UBE4B: variants seen among roughly 807,000 people sequenced by gnomAD.
UBE4B encodes ubiquitination factor E4B.
In UBE4B, 27 loss-of-function variants were observed where a neutral mutation model predicts 148.1. The observed-to-expected ratio is 0.18, with a 90% CI of 0.13 to 0.25. UBE4B has a LOEUF of 0.25. UBE4B is among the 10% of genes least tolerant of loss of function. The pLI is 1.00. For synonymous variants in UBE4B, 596 were observed against 619.3 expected, an observed-to-expected ratio of 0.96 and a Z score of 0.56; for missense variants, 1,170 against 1,662.4, an observed-to-expected ratio of 0.70 and a Z score of 5.15.
intron 25 of UBE4B, among the ~76,000 whole-genome samples, chr1:10,175,506 C>G (rs914934851): frequency 1.3e-5 from 2 of 151,088 alleles, no homozygotes; most frequent in Admixed American, 1.3e-4. Context: ...AAAAAATTAG[C>G]CAGGCGTGGT....
intron 2 of UBE4B, among the ~76,000 whole-genome samples, chr1:10,084,548 G>GA (rs1054924371): frequency 2.5e-4 from 37 of 147,296 alleles, no homozygotes; most frequent in Admixed American, 8.1e-4. Context: ...TGAAAGCTCT[G>GA]AAAAAAAAAA....
At chr1:10,152,667 C>T (rs1298636275) in intron 21 of UBE4B, among the ~76,000 whole-genome samples, 1 of 151,162 alleles carries the variant, frequency 6.6e-6, no homozygotes, top group Non-Finnish European at 1.5e-5. Context: ...GTGTGGCGGG[C>T]GGCGCCTGTC....
In UBE4B at chr1:10,161,181, A is replaced by T; in HGVS notation, c.3093A>T (p.Ile1031=). The change falls in exon 23 of 28, where the codon ATA becomes ATT. Residue 1031 remains isoleucine (I), a synonymous_variant. Transcript: ENST00000343090. The surrounding 1 kb of genome is among the most constrained non-coding windows in gnomAD (Gnocchi z 4.1). The part of the protein sequence containing the change: ...KQFVRYINML[I]NDTTFLLDES... ...TTGTTCGCTATATAAACATGTTGAT[A>T]AACGACACGACGTTTTTGCTCGATG... The T allele has an allele frequency of 1.2e-6, 2 of 1,614,168 alleles. No homozygotes were observed. The highest frequency in any genetic ancestry group is 1.7e-6 in the Non-Finnish European group (2 of 1,180,026).
chr1:10,147,199 T>C, intron 19 of UBE4B, 109 bp downstream of exon 19: 2 of 1,531,242 alleles, frequency 1.3e-6, no homozygotes, highest in Non-Finnish European at 1.8e-6. Context: ...TTATCAAGAA[T>C]TCACTTCTCT....
intron 1 of UBE4B, among the ~76,000 whole-genome samples, chr1:10,047,488 C>CTTTT (rs952378949): frequency 1.6e-4 from 18 of 116,028 alleles, no homozygotes; most frequent in Middle Eastern, 4.8e-3. Flanking sequence ...CTTCATATAT[C>CTTTT]TTTTTTTTTT....
intron 3 of UBE4B, among the ~76,000 whole-genome samples, chr1:10,100,083 G>A (rs558211950): frequency 2.0e-5 from 3 of 151,938 alleles, no homozygotes; most frequent in East Asian, 2.0e-4. Context: ...TCTGCCTCCC[G>A]GGTTCAGGCC....
At chr1:10,163,761 AT>A (rs1372082097) in intron 23 of UBE4B, among the ~76,000 whole-genome samples, 1 of 151,036 alleles carries the variant, frequency 6.6e-6, no homozygotes, top group Non-Finnish European at 1.5e-5. Context: ...TTATTAAATT[AT>A]TTTTTATTTT....
chr1:10,050,116 C>T (rs776463087), intron 1 of UBE4B, among the ~76,000 whole-genome samples: 2 of 152,086 alleles, frequency 1.3e-5, no homozygotes, highest in Non-Finnish European at 2.9e-5. Context: ...TCTTGTCACC[C>T]AGGCTGGAGT....
chr1:10,106,631 A>G lies in UBE4B; in HGVS notation c.1196+48A>G, dbSNP rs199882034. On this transcript the variant is annotated intron_variant, in intron 7 of 27. Coordinates refer to ENST00000343090, the MANE Select transcript of UBE4B (RefSeq NM_001105562.3). This position sits in a 1 kb window ranked among gnomAD's most constrained non-coding sequence, Gnocchi z 4.2. ...GCATGTGTGTTTGCGGTGCAGGGAA[A>G]GGAGATTAACACGGTTTGGAAGAAG... 16 of 1,489,922 alleles carry G rather than the reference A, an allele frequency of 1.1e-5. No individual in the cohort carries two copies. In the African/African-American group the frequency reaches 2.0e-4, roughly 18 times the overall value. 92.3% of individuals were successfully genotyped at this position (1,489,922 alleles called of 1,614,324 possible). A position where few individuals can be genotyped will look rare whatever the true frequency, so the allele number is the denominator to read the frequency against.
At chr1:10,135,383 A>G (rs926668241) in intron 16 of UBE4B, among the ~76,000 whole-genome samples, 197 bp downstream of exon 16, 2 of 152,188 alleles carry the variant, frequency 1.3e-5, no homozygotes, top group African/African-American at 4.8e-5. Flanking sequence ...AGGCAGGTGG[A>G]TCACGAGGTC....
At chr1:10,108,518 T>C (rs1645160630) in intron 7 of UBE4B, among the ~76,000 whole-genome samples, 1 of 152,198 alleles carries the variant, frequency 6.6e-6, no homozygotes, top group South Asian at 2.1e-4. Context: ...TCTGACTCAT[T>C]GTCTTACAAT....
chr1:10,041,965 G>T (rs566213464), intron 1 of UBE4B, among the ~76,000 whole-genome samples: 5 of 152,082 alleles, frequency 3.3e-5, no homozygotes, highest in Admixed American at 6.5e-5. Context: ...AAAGTTGTGG[G>T]ATTACAGGCA....
At chr1:10,055,967 G>A (rs1644160562) in intron 1 of UBE4B, among the ~76,000 whole-genome samples, 1 of 152,224 alleles carries the variant, frequency 6.6e-6, no homozygotes, top group South Asian at 2.1e-4. Context: ...AGTAGTAGAT[G>A]CTTAGTCATC....
At position 10,130,551 on chromosome 1, in the gene UBE4B, C is replaced by T. The variant is rs1645576690; in HGVS notation, c.1747C>T (p.Arg583Trp). ...GAAATCCTTAAGTCCTGGCTGTGGG[C>T]GGGAGCTGCAGAGACTCTCTTACTT... is the stretch of plus-strand genomic sequence containing the variant. ...LPKSLSPGCG[R>W]ELQRLSYLGA... The change falls in exon 13 of 28, where the codon CGG (arginine) becomes TGG (tryptophan). Residue 583 changes from arginine to tryptophan, a missense_variant. This residue lies in a region of UBE4B where 388 missense variants were observed against 536.0 expected (regional missense o/e 0.72). Coordinates refer to ENST00000343090, the MANE Select transcript of UBE4B (RefSeq NM_001105562.3). 3 of 1,614,000 alleles carry T rather than the reference C, an allele frequency of 1.9e-6. No homozygotes were observed. Among genetic ancestry groups the T allele is most frequent in the African/African-American group, 1.3e-5 (1 of 74,888 alleles).
chr1:10,058,433 A>C (rs1644220092), intron 1 of UBE4B, among the ~76,000 whole-genome samples: 1 of 152,126 alleles, frequency 6.6e-6, no homozygotes, highest in African/African-American at 2.4e-5. Context: ...AGACTTAGGG[A>C]AGCTGGCCTC....
At chr1:10,055,504 GA>G (rs1443434631) in intron 1 of UBE4B, among the ~76,000 whole-genome samples, 1 of 151,998 alleles carries the variant, frequency 6.6e-6, no homozygotes, top group East Asian at 1.9e-4. Flanking sequence ...TTTTTGTAGC[GA>G]TGGGGTCTCG....
At chr1:10,094,534 A>C (rs1644899154) in intron 2 of UBE4B, among the ~76,000 whole-genome samples, 2 of 151,698 alleles carry the variant, frequency 1.3e-5, no homozygotes, top group South Asian at 2.1e-4. Flanking sequence ...CCCGGGTTCA[A>C]GCAATTCTCC....
intron 4 of UBE4B, among the ~76,000 whole-genome samples, chr1:10,102,391 CTTTTTTTTTTTTTTTTTTTTTT>C (rs33997625): frequency 9.7e-5 from 5 of 51,544 alleles, no homozygotes; most frequent in Admixed American, 3.2e-4. Context: ...TGACTTTGCT[CTTTTTTTTTTTTTTTTTTTTTT>C]TTTTTTTTTT....
At chr1:10,134,152 C>T (rs1256254340) in intron 15 of UBE4B, among the ~76,000 whole-genome samples, 2 of 152,122 alleles carry the variant, frequency 1.3e-5, no homozygotes, top group Non-Finnish European at 2.9e-5. Flanking sequence ...TTTATTTCCT[C>T]CTGCATAAAA....
Sources: gnomAD v4.1 joint callset for allele counts (sites outside exome capture counted in the v4.1 genomes callset) on GRCh38, gnomAD v4.1.1 for gene constraint, gnomAD v4.1.1 regional missense constraint, Gnocchi (gnomAD v3.1) non-coding constraint, MANE v1.5 for transcripts, NCBI Gene and HGNC (gene_info 2026-07-23, HGNC 2026-07-21) for gene names.